Variants in TPD52L2 observed in about 807,000 individuals in gnomAD.
TPD52L2 encodes tumor protein D54.
TPD52L2 carries 19 observed loss-of-function variants against 24.7 expected under a neutral mutation model. The ratio of observed to expected loss-of-function variants is 0.77; its 90% CI spans 0.54 to 1.13. The LOEUF (loss-of-function observed/expected upper bound fraction) is 1.13. Ranked by LOEUF, TPD52L2 falls within the 50% of genes most tolerant of loss-of-function variation. The pLI, the probability that TPD52L2 is intolerant of heterozygous loss-of-function variation, is 0.00. For synonymous variants in TPD52L2, 104 were observed against 100.2 expected, an observed-to-expected ratio of 1.04 and a Z score of -0.23; for missense variants, 236 against 250.4, an observed-to-expected ratio of 0.94 and a Z score of 0.39.
At chr20:63,884,537 A>G (rs1182042196) in intron 5 of TPD52L2, among the ~76,000 whole-genome samples, 2 of 152,112 alleles carry the variant, frequency 1.3e-5, no homozygotes, top group Non-Finnish European at 2.9e-5. Flanking sequence ...TGATCTGGGC[A>G]TTTGTTTGTA....
chr20:63,869,299 T>A lies in TPD52L2; in HGVS notation c.23T>A (p.Ile8Asn). The A allele has an allele frequency of 1.9e-6, 3 of 1,614,176 alleles. No individual in the cohort carries two copies. Among genetic ancestry groups the A allele is most frequent in the Non-Finnish European group, 2.5e-6 (3 of 1,179,988 alleles). Residue 8 changes from isoleucine (I) to asparagine (N), a missense_variant, in exon 2 of 7, where the codon ATC becomes AAC. Transcript: ENST00000346249. The stretch of plus-strand genomic sequence containing the variant: ...GGCCTCATTTTGTCTCTGGCAGATA[T>A]CAACCTGAATTCTCCTAACAAAGGT... Reference protein sequence around the residue: MDSAGQDINLNSPNKGLL... With the variant: MDSAGQDNNLNSPNKGLL...
intron 4 of TPD52L2, among the ~76,000 whole-genome samples, chr20:63,882,443 A>G (rs2052935394): frequency 6.6e-6 from 1 of 152,218 alleles, no homozygotes; most frequent in Non-Finnish European, 1.5e-5. Context: ...GAGATGAGAA[A>G]GCAGCGTCAT....
At chr20:63,874,703 A>G (rs2052601315) in intron 3 of TPD52L2, among the ~76,000 whole-genome samples, 1 of 151,822 alleles carries the variant, frequency 6.6e-6, no homozygotes, top group Non-Finnish European at 1.5e-5. Context: ...AGGCAGACAC[A>G]CTGGCTAGTT....
intron 6 of TPD52L2, 98 bp downstream of exon 6, chr20:63,889,336 A>G (rs1236370051): frequency 4.8e-6 from 5 of 1,051,810 alleles, no homozygotes; most frequent in Non-Finnish European, 4.4e-6. Context: ...ACTCACATAC[A>G]GTTGTGGGAA....
intron 2 of TPD52L2, among the ~76,000 whole-genome samples, 155 bp downstream of exon 2, chr20:63,869,596 A>G (rs1435704732): frequency 6.6e-6 from 1 of 152,108 alleles, no homozygotes; most frequent in Non-Finnish European, 1.5e-5. Context: ...TTCTCTTTGT[A>G]TGTGCCCAGC....
intron 1 of TPD52L2, among the ~76,000 whole-genome samples, chr20:63,865,647 G>C (rs8122374): frequency 4.3e-4 from 65 of 151,944 alleles, no homozygotes; most frequent in African/African-American, 1.4e-3. Flanking sequence ...GTGGTTCCCT[G>C]GCGCCCGCCG....
At chr20:63,886,088 TG>T (rs2053083997) in intron 5 of TPD52L2, 2 of 1,598,442 alleles carry the variant, frequency 1.3e-6, no homozygotes, top group South Asian at 1.1e-5. Flanking sequence ...TTCTCTGAAT[TG>T]GGGCAGGGTG....
At chr20:63,882,549 C>G (rs2052941455) in intron 4 of TPD52L2, among the ~76,000 whole-genome samples, 170 bp from the exon 5 acceptor site, 2 of 152,226 alleles carry the variant, frequency 1.3e-5, no homozygotes, top group Admixed American at 1.3e-4. Context: ...CTCTGGGGGC[C>G]GAGGGGCTCT....
At chr20:63,889,035 G>A (rs1448775946) in intron 5 of TPD52L2, 155 bp from the exon 6 acceptor site, 8 of 681,250 alleles carry the variant, frequency 1.2e-5, no homozygotes, top group Admixed American at 2.2e-5. Context: ...GGGAGTCTCC[G>A]GAATGACCTG....
Position 63,890,143 on chromosome 20 carries a change from C to T in TPD52L2, c.*198C>T. The T allele has an allele frequency of 1.6e-6, 2 of 1,250,036 alleles. No individual in the cohort carries two copies. The highest frequency in any genetic ancestry group is 1.5e-5 in the South Asian group (1 of 66,968). The allele number at this position is 1,250,036 out of a possible 1,614,324, so 77.4% of individuals were successfully genotyped here. On this transcript the variant is annotated 3_prime_UTR_variant, in exon 7 of 7. Coordinates refer to ENST00000346249, the MANE Select transcript of TPD52L2 (RefSeq NM_003288.4). ...CACAGGCTTGTACACAGATGTTTTA[C>T]ACTCACGTTTGTAGATGAAACAGAT...
At chr20:63,879,400 T>A (rs1489647247) in intron 4 of TPD52L2, among the ~76,000 whole-genome samples, 4 of 152,040 alleles carry the variant, frequency 2.6e-5, no homozygotes, top group Non-Finnish European at 5.9e-5. Context: ...CTCCTCCTTG[T>A]GTGGGTGGCA....
chr20:63,867,962 ATTT>A (rs1201933332), intron 1 of TPD52L2, among the ~76,000 whole-genome samples: 1 of 146,452 alleles, frequency 6.8e-6, no homozygotes. Context: ...TTTTTAAAGA[ATTT>A]TTTTTTGGCC....
intron 4 of TPD52L2, among the ~76,000 whole-genome samples, chr20:63,880,179 T>A (rs4809376): frequency 2.0e-5 from 1 of 51,122 alleles, no homozygotes; most frequent in Admixed American, 2.0e-4. Flanking sequence ...CCCCACTCTT[T>A]AGGCACAAAT....
chr20:63,889,984 C>G lies in TPD52L2; in HGVS notation c.*39C>G, dbSNP rs753738975. The G allele has an allele frequency of 6.2e-6, 10 of 1,612,122 alleles. No homozygotes were observed. Among genetic ancestry groups the G allele is most frequent in the Non-Finnish European group, 7.6e-6 (9 of 1,179,576 alleles). On this transcript the variant is annotated 3_prime_UTR_variant, in exon 7 of 7. Coordinates refer to ENST00000346249, the MANE Select transcript of TPD52L2 (RefSeq NM_003288.4). ...TCACCCGCTGCAGAGCACACGCAACCCAGCCTCAGCATCACAGCCGCAGCT... is the reference window on the plus strand; with the variant it reads ...TCACCCGCTGCAGAGCACACGCAACGCAGCCTCAGCATCACAGCCGCAGCT...
At chr20:63,887,955 C>T in intron 5 of TPD52L2, 1 of 391,190 alleles carries the variant, frequency 2.6e-6, no homozygotes, top group Non-Finnish European at 4.7e-6. Context: ...TCACTCAGGA[C>T]ACTTCACGGT....
chr20:63,865,637 G>T (rs945588073), intron 1 of TPD52L2, among the ~76,000 whole-genome samples: 2 of 152,094 alleles, frequency 1.3e-5, no homozygotes, highest in African/African-American at 4.8e-5. Context: ...GTTCCGAGGT[G>T]TGGTTCCCTG....
chr20:63,882,777 T>A lies in TPD52L2; in HGVS notation c.433T>A (p.Ser145Thr). Residue 145 changes from serine (S) to threonine (T), a missense_variant, in exon 5 of 7, where the codon TCC (serine) becomes ACC (threonine). By Grantham distance (58) the Ser-to-Thr change is moderately conservative (BLOSUM62 1). Coordinates refer to ENST00000346249, the MANE Select transcript of TPD52L2 (RefSeq NM_003288.4). ...QAGQKTSAAL[S>T]TVGSAISRKL... ...AGGACAGAAGACTTCAGCTGCCCTG[T>A]CCACAGTGGGCTCTGCCATCAGCAG... The A allele has an allele frequency of 1.2e-6, 2 of 1,613,918 alleles. No individual in the cohort carries two copies. Among genetic ancestry groups the A allele is most frequent in the Non-Finnish European group, 1.7e-6 (2 of 1,179,918 alleles).
At chr20:63,871,628 G>A (rs1030913968) in intron 2 of TPD52L2, among the ~76,000 whole-genome samples, 2 of 149,406 alleles carry the variant, frequency 1.3e-5, no homozygotes, top group Non-Finnish European at 3.0e-5. Context: ...GGGATTACAC[G>A]CAAGAAAGAG....
intron 1 of TPD52L2, among the ~76,000 whole-genome samples, chr20:63,866,590 T>C (rs2052246255): frequency 6.6e-6 from 1 of 151,836 alleles, no homozygotes; most frequent in Admixed American, 6.6e-5. Flanking sequence ...GCCTCCCAAC[T>C]AGCTGGGACT....
Sources: gnomAD v4.1 joint callset for allele counts (sites outside exome capture counted in the v4.1 genomes callset) on GRCh38, gnomAD v4.1.1 for gene constraint, MANE v1.5 for transcripts, NCBI Gene and HGNC (gene_info 2026-07-23, HGNC 2026-07-21) for gene names.